PPP1R9A: variants seen among roughly 807,000 people sequenced by gnomAD.
The protein encoded by PPP1R9A is protein phosphatase 1 regulatory subunit 9A.
Under a neutral mutation model 141.9 loss-of-function variants are expected in PPP1R9A, and 59 were observed. The ratio of observed to expected loss-of-function variants is 0.42; its 90% CI spans 0.34 to 0.52. The LOEUF is 0.52. Ranked by LOEUF, PPP1R9A falls within the 20% of genes least tolerant of loss-of-function variation. The pLI is 0.10. For missense variants in PPP1R9A, 1,444 were observed against 1,611.9 expected, an observed-to-expected ratio of 0.90 and a Z score of 1.78; for synonymous variants, 500 against 569.7, an observed-to-expected ratio of 0.88 and a Z score of 1.74.
intron 2 of PPP1R9A, among the ~76,000 whole-genome samples, chr7:95,056,929 A>G (rs891692662): frequency 6.6e-6 from 1 of 152,104 alleles, no homozygotes; most frequent in Non-Finnish European, 1.5e-5. Context: ...ACCTTCACTA[A>G]ACTTTGTTAG....
intron 4 of PPP1R9A, among the ~76,000 whole-genome samples, chr7:95,128,824 C>T (rs747653826): frequency 2.0e-5 from 3 of 152,134 alleles, no homozygotes; most frequent in Non-Finnish European, 2.9e-5. Flanking sequence ...GTGATCCACC[C>T]GCCTCGGCCT....
chr7:95,069,348 T>C (rs1387088230), intron 2 of PPP1R9A, among the ~76,000 whole-genome samples: 1 of 152,134 alleles, frequency 6.6e-6, no homozygotes, highest in Non-Finnish European at 1.5e-5. Flanking sequence ...ATAATTATAT[T>C]CTTTTGGAAA....
chr7:94,915,091 G>A (rs1310109226), intron 2 of PPP1R9A, among the ~76,000 whole-genome samples: 1 of 152,206 alleles, frequency 6.6e-6, no homozygotes, highest in East Asian at 1.9e-4. Flanking sequence ...ACAGTAAGAA[G>A]GATATTGCAG....
chr7:95,177,149 A>G (rs932034548), intron 5 of PPP1R9A, among the ~76,000 whole-genome samples: 1 of 152,180 alleles, frequency 6.6e-6, no homozygotes, highest in Non-Finnish European at 1.5e-5. Context: ...GGCAAAACCT[A>G]TCAGATTAAT....
At position 94,997,083 on chromosome 7, in the gene PPP1R9A, C is replaced by T. The variant is rs374062712; in HGVS notation, c.1395+85575C>T. Among the ~76,000 whole-genome samples the T allele has an allele frequency of 5.9e-5, 9 of 152,176 alleles. No individual in the cohort carries two copies. The East Asian group carries it at 7.7e-4, about 13-fold the overall frequency. On this transcript the variant is annotated intron_variant, in intron 2 of 19. Transcript: ENST00000433360. ...CCTCCCAAAGTGTTGGGATTACAGGCGTGAGCCACCACACCTGGCCAGATA... is the reference window on the plus strand; with the variant it reads ...CCTCCCAAAGTGTTGGGATTACAGGTGTGAGCCACCACACCTGGCCAGATA...
At chr7:95,270,186 C>A (rs1431083289) in intron 14 of PPP1R9A, among the ~76,000 whole-genome samples, 1 of 152,126 alleles carries the variant, frequency 6.6e-6, no homozygotes, top group Non-Finnish European at 1.5e-5. Flanking sequence ...TCTGTGGCCC[C>A]TGAAAGGTAA....
At chr7:95,049,923 G>T (rs548102893) in intron 2 of PPP1R9A, among the ~76,000 whole-genome samples, 3 of 152,298 alleles carry the variant, frequency 2.0e-5, no homozygotes, top group East Asian at 3.9e-4. Flanking sequence ...ACCTGTGGGT[G>T]CTTTCAAGTT....
chr7:95,270,448 T>A (rs1444471659), intron 14 of PPP1R9A, among the ~76,000 whole-genome samples: 1 of 152,160 alleles, frequency 6.6e-6, no homozygotes, highest in Non-Finnish European at 1.5e-5. Flanking sequence ...CAATACCACA[T>A]TTACAAATCA....
At chr7:95,182,512 TTATTTATATC>T (rs1834007867) in intron 5 of PPP1R9A, among the ~76,000 whole-genome samples, 1 of 152,232 alleles carries the variant, frequency 6.6e-6, no homozygotes, top group South Asian at 2.1e-4. Context: ...TGTTTTTACT[TTATTTATATC>T]ATTTCATTGT....
intron 2 of PPP1R9A, among the ~76,000 whole-genome samples, chr7:94,985,259 G>A (rs1800666726): frequency 6.6e-6 from 1 of 152,002 alleles, no homozygotes; most frequent in African/African-American, 2.4e-5. Context: ...GGTCAATTTT[G>A]GAATAAGTGC....
At chr7:95,250,537 CT>C (rs888432606) in intron 10 of PPP1R9A, among the ~76,000 whole-genome samples, 4 of 152,048 alleles carry the variant, frequency 2.6e-5, no homozygotes, top group Non-Finnish European at 4.4e-5. Flanking sequence ...ATCTGAATTT[CT>C]TTATTCTTTT....
chr7:95,240,410 A>G (rs1053670777), intron 8 of PPP1R9A, among the ~76,000 whole-genome samples: 4 of 144,948 alleles, frequency 2.8e-5, no homozygotes, highest in Non-Finnish European at 6.1e-5. Context: ...GTTTTTTCCT[A>G]TTTCTGTTTT....
intron 2 of PPP1R9A, among the ~76,000 whole-genome samples, chr7:94,949,336 TAGG>T (rs1045350911): frequency 3.3e-5 from 5 of 152,060 alleles, no homozygotes; most frequent in Non-Finnish European, 5.9e-5. Context: ...GGAGGAGGAA[TAGG>T]AGCAATGAAA....
At chr7:95,033,213 A>C (rs1584368939) in intron 2 of PPP1R9A, among the ~76,000 whole-genome samples, 4 of 121,518 alleles carry the variant, frequency 3.3e-5, no homozygotes, top group Admixed American at 9.4e-5. Flanking sequence ...ACGGGTTTTC[A>C]CCGTGTTAGC....
At chr7:94,962,010 T>C (rs372301763) in intron 2 of PPP1R9A, among the ~76,000 whole-genome samples, 20 of 152,094 alleles carry the variant, frequency 1.3e-4, no homozygotes, top group African/African-American at 4.3e-4. Context: ...ATAGAAACTT[T>C]AGAGTCAAAT....
intron 4 of PPP1R9A, chr7:95,156,586 C>T (rs1829649496): frequency 6.6e-6 from 1 of 152,350 alleles, no homozygotes; most frequent in Admixed American, 6.5e-5. Flanking sequence ...AATAGAACAG[C>T]ACACAGGAGA....
chr7:94,927,110 G>A (rs1793575803), intron 2 of PPP1R9A, among the ~76,000 whole-genome samples: 1 of 152,150 alleles, frequency 6.6e-6, no homozygotes, highest in Admixed American at 6.5e-5. Flanking sequence ...TCCTAAGGAA[G>A]AGAATGGTTA....
intron 7 of PPP1R9A, among the ~76,000 whole-genome samples, chr7:95,218,698 A>T (rs1286705320): frequency 1.3e-5 from 2 of 152,124 alleles, no homozygotes; most frequent in East Asian, 3.8e-4. Context: ...CTTCTTGTTG[A>T]ATTGATCCCT....
chr7:95,094,197 G>A (rs1448360647), intron 2 of PPP1R9A, among the ~76,000 whole-genome samples: 1 of 152,198 alleles, frequency 6.6e-6, no homozygotes, highest in Non-Finnish European at 1.5e-5. Flanking sequence ...GGCTGGCCAT[G>A]TATGCTGGAG....
Sources: gnomAD v4.1 joint callset for allele counts (sites outside exome capture counted in the v4.1 genomes callset) on GRCh38, gnomAD v4.1.1 for gene constraint, MANE v1.5 for transcripts, NCBI Gene and HGNC (gene_info 2026-07-23, HGNC 2026-07-21) for gene names.